OTUD7B: variants seen among roughly 807,000 people sequenced by gnomAD.
OTUD7B encodes the protein OTU deubiquitinase 7B, also known as OTU domain-containing protein 7B.
In OTUD7B, 34 loss-of-function variants were observed where a neutral mutation model predicts 82.2. The ratio of observed to expected loss-of-function variants is 0.41; its 90% CI spans 0.31 to 0.55. OTUD7B has a LOEUF of 0.55. Among genes scored for constraint, OTUD7B ranks in the 20% least tolerant of loss-of-function variants. The pLI, the probability that OTUD7B is intolerant of heterozygous loss-of-function variation, is 0.20. For missense variants in OTUD7B, 944 were observed against 1,062.1 expected, an observed-to-expected ratio of 0.89 and a Z score of 1.55; for synonymous variants, 398 against 402.7, an observed-to-expected ratio of 0.99 and a Z score of 0.14.
At chr1:149,965,970 T>G in intron 4 of OTUD7B, 92 bp from the exon 5 acceptor site, 1 of 903,788 alleles carries the variant, frequency 1.1e-6, no homozygotes, top group Non-Finnish European at 1.8e-6. Flanking sequence ...CAGCCTCCTC[T>G]AGGAGGCCTA....
intron 5 of OTUD7B, 44 bp downstream of exon 5, chr1:149,965,733 G>T: frequency 7.2e-7 from 1 of 1,389,780 alleles, no homozygotes; most frequent in Non-Finnish European, 1.0e-6. Context: ...TGACTCAACT[G>T]CTTCCTTTCT....
chr1:150,013,117 T>C (rs1215894955), upstream of OTUD7B, among the ~76,000 whole-genome samples: 1 of 152,096 alleles, frequency 6.6e-6, no homozygotes, highest in East Asian at 1.9e-4. Context: ...CTAGGTAGAA[T>C]AGTAAGGGAA....
At chr1:150,012,290 T>G (rs1179113665), upstream of OTUD7B, among the ~76,000 whole-genome samples, 2 of 151,962 alleles carry the variant, frequency 1.3e-5, no homozygotes, top group Non-Finnish European at 1.5e-5. Context: ...GCTACAGCCG[T>G]TGGAAAGGAG....
the OTUD7B span, among the ~76,000 whole-genome samples, chr1:150,051,494 T>C: frequency 1.2e-4 from 18 of 152,196 alleles, no homozygotes; most frequent in Middle Eastern, 6.8e-3. Flanking sequence ...TTATTTATTA[T>C]TATTATTATG....
the OTUD7B span, among the ~76,000 whole-genome samples, chr1:150,046,193 G>A: frequency 1.3e-5 from 2 of 152,060 alleles, no homozygotes; most frequent in Admixed American, 6.6e-5. Context: ...GCATATGGGT[G>A]ATCTACGTAA....
At chr1:150,030,722 C>T in the OTUD7B span, among the ~76,000 whole-genome samples, 6 of 152,212 alleles carry the variant, frequency 3.9e-5, no homozygotes, top group African/African-American at 1.4e-4. Flanking sequence ...TTGAATTGGG[C>T]TTCCATTTCC....
upstream of OTUD7B, among the ~76,000 whole-genome samples, chr1:150,015,088 T>A (rs1314073743): frequency 6.6e-6 from 1 of 152,130 alleles, no homozygotes; most frequent in East Asian, 1.9e-4. Context: ...CCCACGACAG[T>A]CATTTATTAA....
chr1:149,986,754 G>A (rs1651173034), intron 1 of OTUD7B, among the ~76,000 whole-genome samples: 1 of 152,244 alleles, frequency 6.6e-6, no homozygotes, highest in South Asian at 2.1e-4. Context: ...AGAGAAAGAG[G>A]AGGGACAGAG....
chr1:150,013,846 C>T (rs1198803988), upstream of OTUD7B, among the ~76,000 whole-genome samples: 6 of 145,056 alleles, frequency 4.1e-5, no homozygotes, highest in South Asian at 2.2e-4. Context: ...GACGTGAACT[C>T]GGGAGGCGGA....
At chr1:150,021,599 G>C in the OTUD7B span, among the ~76,000 whole-genome samples, 177 of 152,276 alleles carry the variant, frequency 1.2e-3, 1 homozygote, top group African/African-American at 4.2e-3. Flanking sequence ...TGGAGCCCCA[G>C]AGCTCCCTGT....
chr1:150,062,654 TA>T, the OTUD7B span, among the ~76,000 whole-genome samples: 6 of 151,334 alleles, frequency 4.0e-5, no homozygotes, highest in Admixed American at 3.9e-4. Context: ...TAGAACTGAT[TA>T]AAAAGTGAAG....
chr1:150,063,853 A>G, the OTUD7B span, among the ~76,000 whole-genome samples: 3 of 152,236 alleles, frequency 2.0e-5, no homozygotes, highest in African/African-American at 7.2e-5. Context: ...GAGGCTGCGT[A>G]GACACTAAGC....
chr1:149,954,031 C>T (rs1648472300), intron 7 of OTUD7B, among the ~76,000 whole-genome samples: 1 of 152,112 alleles, frequency 6.6e-6, no homozygotes, highest in Non-Finnish European at 1.5e-5. Flanking sequence ...AATTGAATAC[C>T]CTTTATTTCT....
At chr1:150,017,620 G>C in the OTUD7B span, among the ~76,000 whole-genome samples, 1 of 152,302 alleles carries the variant, frequency 6.6e-6, no homozygotes, top group East Asian at 1.9e-4. Flanking sequence ...ATGAGGAGAG[G>C]CCTGGGAATG....
chr1:149,977,019 T>A (rs1553778717), intron 2 of OTUD7B, among the ~76,000 whole-genome samples: 1 of 151,318 alleles, frequency 6.6e-6, no homozygotes, highest in African/African-American at 2.4e-5. Context: ...TACTCAGGAG[T>A]CTGAGGCAGG....
the OTUD7B span, among the ~76,000 whole-genome samples, chr1:150,036,382 C>T: frequency 6.6e-6 from 1 of 151,734 alleles, no homozygotes; most frequent in African/African-American, 2.4e-5. Flanking sequence ...GCCTCAGCCT[C>T]TCAAGTAGCT....
intron 3 of OTUD7B, among the ~76,000 whole-genome samples, chr1:149,969,419 T>G (rs1426111988): frequency 6.6e-6 from 1 of 152,214 alleles, no homozygotes; most frequent in Non-Finnish European, 1.5e-5. Flanking sequence ...TCAAAATTCC[T>G]GATCCCTTCC....
chr1:149,967,815 C>A (rs1649618882), intron 3 of OTUD7B, among the ~76,000 whole-genome samples: 1 of 152,046 alleles, frequency 6.6e-6, no homozygotes, highest in Non-Finnish European at 1.5e-5. Flanking sequence ...TCCATATTTC[C>A]CAGTGTGATA....
the OTUD7B span, among the ~76,000 whole-genome samples, chr1:150,024,765 T>G: frequency 7.2e-5 from 11 of 152,146 alleles, no homozygotes; most frequent in Non-Finnish European, 1.2e-4. Context: ...ACACCACAAT[T>G]AGCCGGGCGT....
Sources: gnomAD v4.1 joint callset for allele counts (sites outside exome capture counted in the v4.1 genomes callset) on GRCh38, gnomAD v4.1.1 for gene constraint, MANE v1.5 for transcripts, NCBI Gene and HGNC (gene_info 2026-07-23, HGNC 2026-07-21) for gene names.